CACNB4: variants seen among roughly 807,000 people sequenced by gnomAD.
CACNB4 encodes calcium voltage-gated channel auxiliary subunit beta 4, also known as voltage-dependent L-type calcium channel subunit beta-4.
CACNB4 carries 32 observed loss-of-function variants against 71.2 expected under a neutral mutation model. The ratio of observed to expected loss-of-function variants is 0.45; its 90% CI spans 0.34 to 0.60. The LOEUF (loss-of-function observed/expected upper bound fraction) is 0.60, where lower values mean the gene tolerates loss of function less well. Among genes scored for constraint, CACNB4 ranks in the 20% least tolerant of loss-of-function variants. CACNB4 has a pLI of 0.01. For missense variants in CACNB4, 464 were observed against 647.9 expected, an observed-to-expected ratio of 0.72 and a Z score of 3.08; for synonymous variants, 231 against 236.9, an observed-to-expected ratio of 0.97 and a Z score of 0.23.
chr2:152,098,774 A>C lies in CACNB4; in HGVS notation c.63+175T>G. 7.7e-7 allele frequency: 1 copy of C among 1,299,958 alleles called. No homozygotes were observed. Among genetic ancestry groups the C allele is most frequent in the Non-Finnish European group, 1.1e-6 (1 of 940,410 alleles). 80.5% of individuals were successfully genotyped at this position (1,299,958 alleles called of 1,614,324 possible). ...GAGGAGGAGGAAGAGAAGGAGGAGAAAGAGGAGGAGCGGGAGGAGAAAGGG... is the reference window on the plus strand; with the variant it reads ...GAGGAGGAGGAAGAGAAGGAGGAGACAGAGGAGGAGCGGGAGGAGAAAGGG... On this transcript the variant is annotated intron_variant, in intron 1 of 13. Transcript: ENST00000539935. The surrounding 1 kb of genome is among the most constrained non-coding windows in gnomAD (Gnocchi z 5.3).
intron 2 of CACNB4, among the ~76,000 whole-genome samples, chr2:152,060,770 G>C (rs1242261168): frequency 6.6e-6 from 1 of 152,140 alleles, no homozygotes; most frequent in Non-Finnish European, 1.5e-5. Context: ...TGATGAACTA[G>C]ATCTTATTAA....
At position 151,834,400 on chromosome 2, in the gene CACNB4, A is replaced by G. The variant is rs1467260239; in HGVS notation, c.*4719T>C. 1 of 152,008 alleles carries G rather than the reference A, an allele frequency of 6.6e-6. No individual in the cohort carries two copies. Among genetic ancestry groups the G allele is most frequent in the Admixed American group, 6.6e-5 (1 of 15,262 alleles). The allele number at this position is 152,008 out of a possible 1,614,324, so 9.4% of individuals were successfully genotyped here. ...TCTTAATTATACTTTGTTTATGGCA[A>G]GTAGAAGTTACAGCCCTTAGGATTA... On this transcript the variant is annotated 3_prime_UTR_variant, in exon 14 of 14. Coordinates refer to ENST00000539935, the MANE Select transcript of CACNB4 (RefSeq NM_000726.5).
intron 3 of CACNB4, among the ~76,000 whole-genome samples, chr2:151,881,531 C>T (rs921379831): frequency 6.6e-6 from 1 of 152,220 alleles, no homozygotes; most frequent in African/African-American, 2.4e-5. Flanking sequence ...AAAGTGCTCT[C>T]AGGCTGGCAC....
chr2:152,055,912 A>G (rs897788188), intron 2 of CACNB4, among the ~76,000 whole-genome samples: 2 of 152,112 alleles, frequency 1.3e-5, no homozygotes, highest in African/African-American at 4.8e-5. Context: ...CAGTATGTTT[A>G]TATCCTCACT....
intron 2 of CACNB4, among the ~76,000 whole-genome samples, chr2:151,964,727 C>T (rs1325538965): frequency 3.9e-5 from 6 of 152,156 alleles, no homozygotes; most frequent in East Asian, 1.9e-4. Flanking sequence ...AGAAAAATAC[C>T]GCCATTGGCA....
At chr2:151,872,733 C>T (rs970855250) in intron 5 of CACNB4, 8 of 333,654 alleles carry the variant, frequency 2.4e-5, no homozygotes, top group African/African-American at 4.4e-5. Context: ...TTACTCAGTG[C>T]GGAAATCAGA....
At chr2:151,851,801 T>C (rs949733121) in intron 12 of CACNB4, 1 of 152,236 alleles carries the variant, frequency 6.6e-6, no homozygotes, top group African/African-American at 2.4e-5. Context: ...TAACTATCCT[T>C]ATAAGATTGT....
rs1467889276 is a variant in CACNB4 at position 152,098,686 on chromosome 2, G to A, written c.63+263C>T. The A allele has an allele frequency of 1.9e-6, 3 of 1,558,532 alleles. No homozygotes were observed. The highest frequency in any genetic ancestry group is 2.6e-6 in the Non-Finnish European group (3 of 1,151,222). The stretch of plus-strand genomic sequence containing the variant: ...CTCAGGGTGCGGGGTCCGAGTCCCC[G>A]GCATCCGCTGGGGGAGGCTGCGGGC... On this transcript the variant is annotated intron_variant, in intron 1 of 13. Transcript: ENST00000539935. The surrounding 1 kb of genome is among the most constrained non-coding windows in gnomAD (Gnocchi z 5.3).
chr2:151,909,268 T>G (rs1276865761), intron 2 of CACNB4, among the ~76,000 whole-genome samples: 1 of 150,280 alleles, frequency 6.7e-6, no homozygotes, highest in African/African-American at 2.4e-5. Flanking sequence ...CTGTCTCTAT[T>G]AAAAATACAA....
intron 2 of CACNB4, among the ~76,000 whole-genome samples, chr2:152,078,102 C>T (rs78863583): frequency 0.015 from 2,295 of 152,150 alleles, 49 homozygotes; most frequent in African/African-American, 0.052. Context: ...TGGCTTTTTG[C>T]GATAGAACTG....
At chr2:152,068,161 ACCT>A (rs1465675911) in intron 2 of CACNB4, among the ~76,000 whole-genome samples, 4 of 152,132 alleles carry the variant, frequency 2.6e-5, no homozygotes, top group Non-Finnish European at 5.9e-5. Flanking sequence ...GGATTCCAAG[ACCT>A]GGAATCAGGG....
At chr2:151,848,065 C>A (rs1020292376) in intron 12 of CACNB4, among the ~76,000 whole-genome samples, 14 of 152,182 alleles carry the variant, frequency 9.2e-5, no homozygotes, top group African/African-American at 3.1e-4. Context: ...TTCCTCCCCA[C>A]GCCCCTCCAT....
chr2:151,930,922 G>A (rs181209428), intron 2 of CACNB4, among the ~76,000 whole-genome samples: 85 of 152,138 alleles, frequency 5.6e-4, no homozygotes, highest in African/African-American at 2.0e-3. Flanking sequence ...GATAGGAAGT[G>A]GTTGTTATCA....
chr2:152,032,258 T>C (rs957858479), intron 2 of CACNB4, among the ~76,000 whole-genome samples: 1 of 152,134 alleles, frequency 6.6e-6, no homozygotes, highest in Non-Finnish European at 1.5e-5. Context: ...GATAAGAAAT[T>C]GGCCTGAGAA....
intron 5 of CACNB4, 97 bp from the exon 6 acceptor site, chr2:151,872,590 T>C (rs1458370854): frequency 4.3e-6 from 3 of 695,500 alleles, no homozygotes; most frequent in Non-Finnish European, 7.6e-6. Flanking sequence ...TCCTATTAAA[T>C]AATTCAAAAC....
intron 2 of CACNB4, among the ~76,000 whole-genome samples, chr2:152,014,183 C>T (rs1683215193): frequency 6.6e-6 from 1 of 151,892 alleles, no homozygotes; most frequent in African/African-American, 2.4e-5. Flanking sequence ...CCCATCTCTA[C>T]TAAAATTACA....
Position 151,985,511 on chromosome 2 carries a change from T to C in CACNB4, c.148-102141A>G, listed in dbSNP as rs117934046. 2.6e-5 allele frequency among the ~76,000 whole-genome samples: 4 copies of C among 152,218 alleles called. No individual in the cohort carries two copies. In the East Asian group the frequency reaches 7.7e-4, roughly 29 times the overall value. ...AGCCTCTTGATCACATTGCCAAAGG[T>C]TGTACAGAAAAACTCTGCCAATTTA... On this transcript the variant is annotated intron_variant, in intron 2 of 13. Coordinates refer to ENST00000539935, the MANE Select transcript of CACNB4 (RefSeq NM_000726.5).
chr2:151,995,523 C>A (rs973081071), intron 2 of CACNB4, among the ~76,000 whole-genome samples: 1 of 152,190 alleles, frequency 6.6e-6, no homozygotes, highest in African/African-American at 2.4e-5. Context: ...CTGGCTAACA[C>A]AGTGAAACCC....
At chr2:151,973,707 C>A in intron 2 of CACNB4, 1 of 1,613,464 alleles carries the variant, frequency 6.2e-7, no homozygotes, top group Non-Finnish European at 8.5e-7. Context: ...TACAAATTGT[C>A]ATACATGGAG....
Sources: allele counts gnomAD v4.1 joint callset (sites outside exome capture counted in the v4.1 genomes callset), GRCh38; gene constraint gnomAD v4.1.1; non-coding constraint Gnocchi (gnomAD v3.1); transcripts MANE v1.5; gene names NCBI Gene and HGNC (gene_info 2026-07-23, HGNC 2026-07-21).